Variants in STK33 observed in about 807,000 individuals in gnomAD.
STK33 encodes the protein serine/threonine-protein kinase 33.
In STK33, 52 loss-of-function variants were observed where a neutral mutation model predicts 58.0. The ratio of observed to expected loss-of-function variants is 0.90; its 90% CI spans 0.72 to 1.13. The LOEUF is 1.13. Among genes scored for constraint, STK33 ranks in the 50% most tolerant of loss-of-function variants. The pLI, the probability that STK33 is intolerant of heterozygous loss-of-function variation, is 0.00. For missense variants in STK33, 630 were observed against 604.2 expected, an observed-to-expected ratio of 1.04 and a Z score of -0.45; for synonymous variants, 215 against 200.1, an observed-to-expected ratio of 1.07 and a Z score of -0.63.
At chr11:8,554,354 G>A (rs961798074) in intron 1 of STK33, among the ~76,000 whole-genome samples, 1 of 150,920 alleles carries the variant, frequency 6.6e-6, no homozygotes, top group African/African-American at 2.4e-5. Flanking sequence ...GGGAGGTTGA[G>A]GGTACAGTGA....
At chr11:8,442,071 T>C (rs1311791785) in intron 11 of STK33, among the ~76,000 whole-genome samples, 2 of 139,296 alleles carry the variant, frequency 1.4e-5, no homozygotes, top group African/African-American at 5.5e-5. Context: ...ACACACACTT[T>C]TATGACTACT....
the STK33 span, among the ~76,000 whole-genome samples, chr11:8,341,017 C>T: frequency 1.3e-5 from 2 of 152,200 alleles, no homozygotes; most frequent in African/African-American, 4.8e-5. Context: ...TGCCACCACA[C>T]CAACTAATTT....
chr11:8,365,614 C>T, the STK33 span, among the ~76,000 whole-genome samples: 2 of 152,118 alleles, frequency 1.3e-5, no homozygotes, highest in African/African-American at 2.4e-5. Context: ...TCCCATTTAC[C>T]GTTACCACCC....
the STK33 span, among the ~76,000 whole-genome samples, chr11:8,345,929 C>A: frequency 1.3e-5 from 2 of 152,132 alleles, no homozygotes; most frequent in Admixed American, 1.3e-4. Context: ...TTCCACGTAC[C>A]GAGTGGCAAC....
At chr11:8,492,483 C>A (rs1950702402) in intron 1 of STK33, among the ~76,000 whole-genome samples, 1 of 152,092 alleles carries the variant, frequency 6.6e-6, no homozygotes, top group South Asian at 2.1e-4. Flanking sequence ...CTTAGACTCC[C>A]ACACAATAAT....
intron 4 of STK33, among the ~76,000 whole-genome samples, 152 bp downstream of exon 4, chr11:8,476,535 G>T (rs1225942501): frequency 1.3e-5 from 2 of 152,068 alleles, no homozygotes; most frequent in Non-Finnish European, 2.9e-5. Flanking sequence ...CCCTTCTCAA[G>T]GCTTTGCCCT....
At chr11:8,443,451 C>A (rs1053381291) in intron 11 of STK33, among the ~76,000 whole-genome samples, 4 of 152,140 alleles carry the variant, frequency 2.6e-5, no homozygotes, top group Non-Finnish European at 5.9e-5. Flanking sequence ...AAGGCTAGGA[C>A]AACTAACATG....
At chr11:8,464,066 A>C (rs955524974) in intron 7 of STK33, among the ~76,000 whole-genome samples, 2 of 152,160 alleles carry the variant, frequency 1.3e-5, no homozygotes, top group South Asian at 2.1e-4. Flanking sequence ...CTAGGGGAAA[A>C]CACCATAATG....
chr11:8,542,822 C>A (rs1955624910), intron 1 of STK33, among the ~76,000 whole-genome samples: 1 of 152,124 alleles, frequency 6.6e-6, no homozygotes, highest in Admixed American at 6.6e-5. Context: ...AGATCCTCCC[C>A]ACTTAGTCTC....
At chr11:8,524,985 T>G (rs1234473732) in intron 1 of STK33, among the ~76,000 whole-genome samples, 2 of 152,128 alleles carry the variant, frequency 1.3e-5, no homozygotes, top group African/African-American at 2.4e-5. Flanking sequence ...ATATTAAATA[T>G]GTACAGCTGT....
rs1949105880 is a variant in STK33 at position 8,474,749 on chromosome 11, A to G, written c.157T>C (p.Ser53Pro). ...SQTSSIGSAE[S>P]LISLERKKEK... ...TTTTTTCTCTCCAGTGAAATTAAAGATTCTGCACTACCAATGCTTGATGTC... is the reference window on the plus strand; with the variant it reads ...TTTTTTCTCTCCAGTGAAATTAAAGGTTCTGCACTACCAATGCTTGATGTC... The change falls in exon 5 of 16, where the codon TCT becomes CCT. Residue 53 changes from serine (S) to proline (P), a missense_variant. Physicochemically the swap from Ser to Pro is moderately conservative, Grantham distance 74. Coordinates refer to ENST00000687296, the MANE Select transcript of STK33 (RefSeq NM_001352389.2). 6.2e-7 allele frequency: 1 copy of G among 1,612,986 alleles called. No homozygotes were observed. Among genetic ancestry groups the G allele is most frequent in the East Asian group, 2.2e-5 (1 of 44,858 alleles).
chr11:8,508,925 T>C (rs1454739344), intron 1 of STK33, among the ~76,000 whole-genome samples: 2 of 152,058 alleles, frequency 1.3e-5, no homozygotes, highest in Admixed American at 6.5e-5. Flanking sequence ...GAGACCAGCC[T>C]GACCAACATA....
chr11:8,489,470 G>A (rs543769507), intron 1 of STK33, among the ~76,000 whole-genome samples: 94 of 152,202 alleles, frequency 6.2e-4, no homozygotes, highest in Middle Eastern at 3.4e-3. Flanking sequence ...CTAGGAAGTC[G>A]AAGAGCATGG....
the STK33 span, among the ~76,000 whole-genome samples, chr11:8,343,814 C>A: frequency 6.6e-6 from 1 of 152,280 alleles, no homozygotes; most frequent in South Asian, 2.1e-4. Context: ...GAGGGCAGTG[C>A]CCCAGCCCCT....
intron 1 of STK33, among the ~76,000 whole-genome samples, chr11:8,588,030 CT>C (rs775021592): frequency 4.6e-5 from 7 of 152,144 alleles, no homozygotes; most frequent in Admixed American, 2.0e-4. Flanking sequence ...TGGGGGTACT[CT>C]TCCTAGTTTG....
At chr11:8,454,862 GA>G in intron 9 of STK33, 30 bp from the exon 10 acceptor site, 1 of 1,498,960 alleles carries the variant, frequency 6.7e-7, no homozygotes, top group Non-Finnish European at 8.9e-7. Context: ...CAAATCAAAT[GA>G]AATGAATAAT....
the STK33 span, among the ~76,000 whole-genome samples, chr11:8,375,687 A>C: frequency 2.0e-4 from 31 of 152,194 alleles, no homozygotes; most frequent in Non-Finnish European, 4.0e-4. Flanking sequence ...TGCTGTTTTC[A>C]TGATAGTGAG....
chr11:8,354,474 T>TCACACACATACACACA, the STK33 span, among the ~76,000 whole-genome samples: 1 of 124,680 alleles, frequency 8.0e-6, no homozygotes, highest in Non-Finnish European at 1.6e-5. Flanking sequence ...CTGCAAAACC[T>TCACACACATACACACA]CACACACACA....
chr11:8,444,271 T>C (rs530868037), intron 11 of STK33, among the ~76,000 whole-genome samples: 19 of 152,270 alleles, frequency 1.2e-4, no homozygotes, highest in African/African-American at 4.3e-4. Context: ...TATATATTTT[T>C]TCTCATTTAA....
Sources: allele counts gnomAD v4.1 joint callset (sites outside exome capture counted in the v4.1 genomes callset), GRCh38; gene constraint gnomAD v4.1.1; transcripts MANE v1.5; gene names NCBI Gene and HGNC (gene_info 2026-07-23, HGNC 2026-07-21).